FGGY: variants seen among roughly 807,000 people sequenced by gnomAD.
The protein encoded by FGGY is FGGY carbohydrate kinase domain containing, also known as FGGY carbohydrate kinase domain-containing protein.
A neutral mutation model predicts 71.3 loss-of-function variants in FGGY; 72 were observed. The ratio of observed to expected loss-of-function variants is 1.01; its 90% CI spans 0.84 to 1.23. The LOEUF (loss-of-function observed/expected upper bound fraction) is 1.23. Among genes scored for constraint, FGGY ranks in the 50% most tolerant of loss-of-function variants. The pLI is 0.00. For synonymous variants in FGGY, 251 were observed against 250.3 expected, an observed-to-expected ratio of 1.00 and a Z score of -0.02; for missense variants, 668 against 682.3, an observed-to-expected ratio of 0.98 and a Z score of 0.23.
At chr1:59,335,634 G>A (rs1223876926) in intron 2 of FGGY, among the ~76,000 whole-genome samples, 1 of 152,120 alleles carries the variant, frequency 6.6e-6, no homozygotes, top group African/African-American at 2.4e-5. Flanking sequence ...ATTTCCATCA[G>A]CAATGTATAA....
At chr1:59,615,187 G>T (rs965716814) in intron 9 of FGGY, among the ~76,000 whole-genome samples, 16 of 152,138 alleles carry the variant, frequency 1.1e-4, no homozygotes, top group Non-Finnish European at 4.4e-5. Context: ...AGCCCATATT[G>T]CCAAGTCAAT....
chr1:59,754,167 T>A (rs1432996629), intron 14 of FGGY, among the ~76,000 whole-genome samples: 2 of 152,212 alleles, frequency 1.3e-5, no homozygotes, highest in Admixed American at 6.5e-5. Flanking sequence ...GGAAATTTCT[T>A]ATCTGATCAG....
intron 5 of FGGY, among the ~76,000 whole-genome samples, chr1:59,456,026 A>G (rs891483001): frequency 2.0e-5 from 3 of 152,244 alleles, no homozygotes; most frequent in African/African-American, 7.2e-5. Context: ...TGGGATGACC[A>G]TACTCTTTAT....
chr1:59,597,037 A>T (rs144319250), intron 8 of FGGY, among the ~76,000 whole-genome samples: 4 of 152,328 alleles, frequency 2.6e-5, no homozygotes, highest in African/African-American at 9.6e-5. Flanking sequence ...GCACTCAAGC[A>T]GGGGAGCTAC....
At chr1:59,472,856 CA>C (rs1343711684) in intron 6 of FGGY, among the ~76,000 whole-genome samples, 8 of 151,994 alleles carry the variant, frequency 5.3e-5, no homozygotes, top group Non-Finnish European at 1.0e-4. Context: ...GTAAACACAC[CA>C]ATCAGCACCC....
intron 5 of FGGY, among the ~76,000 whole-genome samples, chr1:59,429,351 G>A: frequency 6.6e-6 from 1 of 152,156 alleles, no homozygotes; most frequent in African/African-American, 2.4e-5. Flanking sequence ...GGACAAGTGG[G>A]ATATTTCTTT....
intron 14 of FGGY, among the ~76,000 whole-genome samples, chr1:59,744,658 G>C (rs1347689781): frequency 6.6e-6 from 1 of 152,204 alleles, no homozygotes; most frequent in Non-Finnish European, 1.5e-5. Flanking sequence ...GTACAACTGA[G>C]GGAGATCCTA....
chr1:59,327,598 T>C (rs561361614), intron 2 of FGGY, among the ~76,000 whole-genome samples: 1 of 152,360 alleles, frequency 6.6e-6, no homozygotes, highest in East Asian at 1.9e-4. Context: ...TGACCTCCCA[T>C]GAATCATGAA....
chr1:59,554,027 C>A (rs1377103561), intron 7 of FGGY, 97 bp from the exon 8 acceptor site: 5 of 945,704 alleles, frequency 5.3e-6, no homozygotes, highest in South Asian at 5.0e-5. Context: ...TGTTGTTTGA[C>A]TATTAAAAAG....
intron 14 of FGGY, among the ~76,000 whole-genome samples, chr1:59,690,079 A>G (rs1054843026): frequency 1.3e-5 from 2 of 152,176 alleles, no homozygotes; most frequent in African/African-American, 4.8e-5. Context: ...CTGACTAACC[A>G]CTACAGAGGC....
chr1:59,723,910 C>T (rs572684657), intron 14 of FGGY, among the ~76,000 whole-genome samples: 1 of 152,336 alleles, frequency 6.6e-6, no homozygotes, highest in East Asian at 1.9e-4. Flanking sequence ...CACCTGTAAT[C>T]CCAGCACTTT....
intron 14 of FGGY, among the ~76,000 whole-genome samples, chr1:59,719,739 CT>C (rs1219957136): frequency 1.3e-5 from 2 of 152,156 alleles, no homozygotes; most frequent in African/African-American, 2.4e-5. Flanking sequence ...AGGCCAGACA[CT>C]GTTCTAGGCA....
At chr1:59,336,843 T>C (rs529165879) in intron 2 of FGGY, among the ~76,000 whole-genome samples, 11 of 152,146 alleles carry the variant, frequency 7.2e-5, no homozygotes, top group Middle Eastern at 6.8e-3. Context: ...ATTTTACGAG[T>C]GTGACATATT....
At chr1:59,452,560 C>T (rs1248531373) in intron 5 of FGGY, among the ~76,000 whole-genome samples, 2 of 152,150 alleles carry the variant, frequency 1.3e-5, no homozygotes, top group African/African-American at 4.8e-5. Context: ...TATGTGGTCT[C>T]TCAGGTGAAC....
At chr1:59,340,590 A>G (rs2050466997) in intron 3 of FGGY, among the ~76,000 whole-genome samples, 1 of 152,184 alleles carries the variant, frequency 6.6e-6, no homozygotes, top group Admixed American at 6.5e-5. Context: ...GTGTTGTCCT[A>G]ATAGACACTT....
chr1:59,455,147 C>T (rs1036392146), intron 5 of FGGY, among the ~76,000 whole-genome samples: 15 of 152,234 alleles, frequency 9.9e-5, no homozygotes, highest in East Asian at 5.8e-4. Context: ...TCTGGGCTGA[C>T]GGAGTTGCTG....
At chr1:59,504,280 C>T (rs749320966) in intron 6 of FGGY, among the ~76,000 whole-genome samples, 5 of 152,124 alleles carry the variant, frequency 3.3e-5, no homozygotes, top group Non-Finnish European at 7.3e-5. Context: ...AACCAATAAA[C>T]GTGTTTCCCT....
chr1:59,364,869 G>T (rs1174898619), intron 4 of FGGY, among the ~76,000 whole-genome samples: 1 of 152,232 alleles, frequency 6.6e-6, no homozygotes, highest in Admixed American at 6.5e-5. Context: ...GATGAGGTGG[G>T]CACCTCTTCA....
intron 14 of FGGY, among the ~76,000 whole-genome samples, chr1:59,699,550 A>C (rs950525054): frequency 1.3e-5 from 2 of 152,180 alleles, no homozygotes; most frequent in African/African-American, 4.8e-5. Context: ...GAAAGAAGGC[A>C]AATGGTACCC....
Sources: gnomAD v4.1 joint callset for allele counts (sites outside exome capture counted in the v4.1 genomes callset) on GRCh38, gnomAD v4.1.1 for gene constraint, MANE v1.5 for transcripts, NCBI Gene and HGNC (gene_info 2026-07-23, HGNC 2026-07-21) for gene names.